Variants in USP3 observed in about 807,000 individuals in gnomAD.
The protein encoded by USP3 is ubiquitin specific peptidase 3, also known as ubiquitin carboxyl-terminal hydrolase 3.
In USP3, 20 loss-of-function variants were observed where a neutral mutation model predicts 72.3. The observed-to-expected ratio is 0.28, with a 90% confidence interval of 0.19 to 0.40. The LOEUF (loss-of-function observed/expected upper bound fraction) is 0.40. USP3 is among the 10% of genes least tolerant of loss of function. The pLI is 1.00. For synonymous variants in USP3, 222 were observed against 225.3 expected, an observed-to-expected ratio of 0.99 and a Z score of 0.13; for missense variants, 479 against 633.9, an observed-to-expected ratio of 0.76 and a Z score of 2.62.
intron 9 of USP3, 66 bp from the exon 10 acceptor site, chr15:63,573,980 A>T (rs1031626446): frequency 6.4e-5 from 71 of 1,117,302 alleles, no homozygotes; most frequent in Admixed American, 1.2e-4. Context: ...AAATATTTGT[A>T]GTTTTTTAAA....
chr15:63,590,198 A>G lies in USP3; in HGVS notation c.1398-463A>G, dbSNP rs896963266. 1.3e-4 allele frequency among the ~76,000 whole-genome samples: 20 copies of G among 152,304 alleles called. 2 individuals are homozygous for G. Among genetic ancestry groups the G allele is most frequent in the Admixed American group, 8.5e-4 (13 of 15,292 alleles). ...TTTAAATAGGGTTTTCCTGGCACCTACAAAGGTCTGTTCTAGCTGCAGGCC... is the reference window on the plus strand; with the variant it reads ...TTTAAATAGGGTTTTCCTGGCACCTGCAAAGGTCTGTTCTAGCTGCAGGCC... On this transcript the variant is annotated intron_variant, in intron 14 of 14. Transcript: ENST00000380324.
intron 1 of USP3, among the ~76,000 whole-genome samples, chr15:63,517,180 C>T (rs957308892): frequency 3.3e-5 from 5 of 152,010 alleles, no homozygotes; most frequent in African/African-American, 9.7e-5. Context: ...AGGTATATCT[C>T]CTAATGCTAT....
At chr15:63,523,430 A>G (rs4984248) in intron 1 of USP3, among the ~76,000 whole-genome samples, 1 of 152,246 alleles carries the variant, frequency 6.6e-6, no homozygotes, top group African/African-American at 2.4e-5. Context: ...GCTTGATACA[A>G]GTCACATGAC....
intron 3 of USP3, among the ~76,000 whole-genome samples, chr15:63,539,514 T>C (rs1473052192): frequency 1.3e-5 from 2 of 152,240 alleles, no homozygotes; most frequent in Admixed American, 1.3e-4. Flanking sequence ...ATTATATATT[T>C]TAATATCTTT....
Position 63,588,666 on chromosome 15 carries a change from G to A in USP3, c.1216-36G>A. On this transcript the variant is annotated intron_variant, in intron 12 of 14. Transcript: ENST00000380324. This position sits in a 1 kb window ranked among gnomAD's most constrained non-coding sequence, Gnocchi z 4.6. ...AAACTTTGACTGAAAGGTAAATTAGGTGTTCACAATCTTTGACCGCATCTC... is the reference window on the plus strand; with the variant it reads ...AAACTTTGACTGAAAGGTAAATTAGATGTTCACAATCTTTGACCGCATCTC... 1 of 1,466,642 alleles carries A rather than the reference G, an allele frequency of 6.8e-7. No individual in the cohort carries two copies. Among genetic ancestry groups the A allele is most frequent in the Non-Finnish European group, 9.5e-7 (1 of 1,053,074 alleles). 90.9% of individuals were successfully genotyped at this position (1,466,642 alleles called of 1,614,324 possible).
chr15:63,589,159 T>C (rs946949879), intron 14 of USP3, 148 bp downstream of exon 14: 3 of 819,134 alleles, frequency 3.7e-6, no homozygotes, highest in Non-Finnish European at 6.0e-6. Context: ...TGCGGAAGAG[T>C]ACTCCTCAGA....
chr15:63,584,196 C>T (rs1020370770), intron 11 of USP3, among the ~76,000 whole-genome samples: 1 of 146,684 alleles, frequency 6.8e-6, no homozygotes. Context: ...CTCCCAGGTT[C>T]ACGCCATTCT....
At chr15:63,505,020 C>G (rs867544804) in intron 1 of USP3, among the ~76,000 whole-genome samples, 190 bp downstream of exon 1, 2,201 of 150,636 alleles carry the variant, frequency 0.015, 58 homozygotes, top group African/African-American at 0.05. Flanking sequence ...CTTTGTTTCC[C>G]GAGGCCCGAC....
rs2067123511 is a variant in USP3 at position 63,588,675 on chromosome 15, A to G, written c.1216-27A>G. 2.6e-6 allele frequency: 4 copies of G among 1,550,652 alleles called. No homozygotes were observed. The African/African-American group carries it at 4.1e-5, about 16-fold the overall frequency. The stretch of plus-strand genomic sequence containing the variant: ...CTGAAAGGTAAATTAGGTGTTCACA[A>G]TCTTTGACCGCATCTCTGTCCTCCA... On this transcript the variant is annotated intron_variant, in intron 12 of 14. Coordinates refer to ENST00000380324, the MANE Select transcript of USP3 (RefSeq NM_006537.4). This position sits in a 1 kb window ranked among gnomAD's most constrained non-coding sequence, Gnocchi z 4.6.
At chr15:63,554,078 A>G (rs533477076) in intron 4 of USP3, among the ~76,000 whole-genome samples, 14 of 152,268 alleles carry the variant, frequency 9.2e-5, no homozygotes, top group South Asian at 6.2e-4. Context: ...AAGCTACTCA[A>G]TTTATTTTGA....
chr15:63,573,165 A>C (rs1255604486), intron 9 of USP3, among the ~76,000 whole-genome samples: 2 of 152,204 alleles, frequency 1.3e-5, no homozygotes, highest in African/African-American at 4.8e-5. Flanking sequence ...TTAGGGAAAA[A>C]CATAAAAGTA....
chr15:63,553,125 T>C lies in USP3; in HGVS notation c.285-590T>C, dbSNP rs778546496. Among the ~76,000 whole-genome samples the C allele has an allele frequency of 7.9e-5, 12 of 152,258 alleles. No homozygotes were observed. The highest frequency in any genetic ancestry group is 6.2e-4 in the South Asian group (3 of 4,836). On this transcript the variant is annotated intron_variant, in intron 3 of 14. Coordinates refer to ENST00000380324, the MANE Select transcript of USP3 (RefSeq NM_006537.4). This position sits in a 1 kb window ranked among gnomAD's most constrained non-coding sequence, Gnocchi z 4.2. ...GCACTTATCAGTTGCCTGAATGATA[T>C]AGCCACTATTTTATACTTTTGTTTT...
intron 3 of USP3, chr15:63,551,363 T>C (rs2066433890): frequency 6.6e-6 from 1 of 151,740 alleles, no homozygotes; most frequent in Admixed American, 6.5e-5. Context: ...AAGTAAAAAT[T>C]TTTCTATTTT....
At position 63,504,666 on chromosome 15, in the gene USP3, G is replaced by A; in HGVS notation, c.-74G>A. 5 of 1,312,096 alleles carry A rather than the reference G, an allele frequency of 3.8e-6. No individual in the cohort carries two copies. Among genetic ancestry groups the A allele is most frequent in the Non-Finnish European group, 5.1e-6 (5 of 973,764 alleles). The allele number at this position is 1,312,096 out of a possible 1,614,324, so 81.3% of individuals were successfully genotyped here. On this transcript the variant is annotated 5_prime_UTR_variant, in exon 1 of 15. Transcript: ENST00000380324. ...CCGGCTAGAAGCGACACCAGACGGAGCCTCCGGAGTTCCTCCGCCCCCACC... is the reference window on the plus strand; with the variant it reads ...CCGGCTAGAAGCGACACCAGACGGAACCTCCGGAGTTCCTCCGCCCCCACC...
chr15:63,533,965 A>G (rs2066115170), intron 2 of USP3: 2 of 797,494 alleles, frequency 2.5e-6, no homozygotes, highest in South Asian at 6.5e-5. Flanking sequence ...GTTCTCCAGA[A>G]GTCTCGTAGT....
At chr15:63,579,493 T>A (rs957904883) in intron 11 of USP3, among the ~76,000 whole-genome samples, 1 of 152,206 alleles carries the variant, frequency 6.6e-6, no homozygotes, top group Admixed American at 6.5e-5. Flanking sequence ...TAAATGGTGT[T>A]AGTGTAAATG....
intron 2 of USP3, among the ~76,000 whole-genome samples, chr15:63,536,692 CA>C (rs200651966): frequency 5.3e-4 from 76 of 143,078 alleles, no homozygotes; most frequent in African/African-American, 5.7e-4. Context: ...ATTAAAAATA[CA>C]AAAAAAAAAA....
At chr15:63,589,837 A>G (rs1233292784) in intron 14 of USP3, among the ~76,000 whole-genome samples, 1 of 152,156 alleles carries the variant, frequency 6.6e-6, no homozygotes, top group Non-Finnish European at 1.5e-5. Flanking sequence ...CCAAATCACC[A>G]ATTTGGGTTT....
chr15:63,563,528 T>C (rs2066641224), intron 8 of USP3, among the ~76,000 whole-genome samples: 2 of 152,208 alleles, frequency 1.3e-5, no homozygotes, highest in Admixed American at 1.3e-4. Flanking sequence ...GTGCCCATGC[T>C]TTCTGTCTCA....
Sources: allele counts gnomAD v4.1 joint callset (sites outside exome capture counted in the v4.1 genomes callset), GRCh38; gene constraint gnomAD v4.1.1; non-coding constraint Gnocchi (gnomAD v3.1); transcripts MANE v1.5; gene names NCBI Gene and HGNC (gene_info 2026-07-23, HGNC 2026-07-21).